ARHGEF28: variants seen among roughly 807,000 people sequenced by gnomAD.
The protein encoded by ARHGEF28 is Rho guanine nucleotide exchange factor 28.
ARHGEF28 carries 152 observed loss-of-function variants against 206.6 expected under a neutral mutation model. That is an observed-to-expected ratio of 0.74 (90% CI 0.64 to 0.84). ARHGEF28 has a LOEUF of 0.84. ARHGEF28 is among the 40% of genes least tolerant of loss of function. ARHGEF28 has a pLI of 0.00. For missense variants in ARHGEF28, 2,028 were observed against 2,073.2 expected, an observed-to-expected ratio of 0.98 and a Z score of 0.42; for synonymous variants, 763 against 776.4, an observed-to-expected ratio of 0.98 and a Z score of 0.29.
At chr5:73,626,564 C>G (rs1743022183) in intron 1 of ARHGEF28, among the ~76,000 whole-genome samples, 1 of 152,058 alleles carries the variant, frequency 6.6e-6, no homozygotes, top group Non-Finnish European at 1.5e-5. Context: ...GCGGCGGCAG[C>G]TGCGGAGCGC....
In ARHGEF28 at chr5:73,883,896, C is replaced by G; in HGVS notation, c.3055+12C>G. On this transcript the variant is annotated intron_variant, in intron 24 of 35. Transcript: ENST00000513042. ...GCAGTACACAAAGGGTAAGTTGTGA[C>G]TTCTGGGATAAAAATTTGCCCCTCT... The G allele has an allele frequency of 6.8e-7, 1 of 1,473,136 alleles. No individual in the cohort carries two copies. Among genetic ancestry groups the G allele is most frequent in the Non-Finnish European group, 9.1e-7 (1 of 1,102,610 alleles). The allele number at this position is 1,473,136 out of a possible 1,614,324, so 91.3% of individuals were successfully genotyped here. A position where few individuals can be genotyped will look rare whatever the true frequency, so the allele number is the denominator to read the frequency against.
rs116279011 is a variant in ARHGEF28 at position 73,695,194 on chromosome 5, T to A, written c.33+10310T>A. Among the ~76,000 whole-genome samples, 1,077 of 152,228 alleles carry A rather than the reference T, an allele frequency of 7.1e-3. 17 individuals are homozygous for A. The highest frequency in any genetic ancestry group is 0.024 in the African/African-American group (1,005 of 41,546). On this transcript the variant is annotated intron_variant, in intron 2 of 35. Coordinates refer to ENST00000513042, the MANE Select transcript of ARHGEF28 (RefSeq NM_001177693.2). ...GGTCAGAGAGGTGGGAGGGGCCAGGTCATGCCCATAGGTTGGTGGGGGAGT... is the reference window on the plus strand; with the variant it reads ...GGTCAGAGAGGTGGGAGGGGCCAGGACATGCCCATAGGTTGGTGGGGGAGT...
intron 11 of ARHGEF28, 104 bp from the exon 12 acceptor site, chr5:73,846,164 C>G: frequency 1.2e-6 from 1 of 841,230 alleles, no homozygotes; most frequent in Non-Finnish European, 1.8e-6. Flanking sequence ...ACCTATTGCA[C>G]CCCCCCCGCC....
At chr5:73,933,912 T>A (rs963478393) in intron 35 of ARHGEF28, among the ~76,000 whole-genome samples, 3 of 151,038 alleles carry the variant, frequency 2.0e-5, no homozygotes, top group African/African-American at 7.4e-5. Context: ...CTGGATTGTC[T>A]CATAAATGTT....
chr5:73,697,195 T>C (rs1330278346), intron 2 of ARHGEF28, among the ~76,000 whole-genome samples: 3 of 152,166 alleles, frequency 2.0e-5, no homozygotes, highest in African/African-American at 7.2e-5. Context: ...AAAGCTTACT[T>C]TATCAGACAG....
At position 73,936,135 on chromosome 5, in the gene ARHGEF28, A is replaced by AAAAAAAAAATT. The variant is rs1561209392; in HGVS notation, c.4949-4709_4949-4708insAAAAAAAAATT. Among the ~76,000 whole-genome samples, 376 of 152,336 alleles carry AAAAAAAAAATT rather than the reference A, an allele frequency of 2.5e-3. 2 individuals carry two copies. Among genetic ancestry groups the AAAAAAAAAATT allele is most frequent in the African/African-American group, 8.7e-3 (363 of 41,568 alleles). ...GGAAATTCAGAAAAAGGCAAAGCCT[A>AAAAAAAAAATT]CATTAATTACTTTTAAACTGTAAGA... is the stretch of plus-strand genomic sequence containing the variant. On this transcript the variant is annotated intron_variant, in intron 35 of 35. Transcript: ENST00000513042.
At chr5:73,739,829 A>T (rs1168635025) in intron 2 of ARHGEF28, among the ~76,000 whole-genome samples, 34 of 50,038 alleles carry the variant, frequency 6.8e-4, no homozygotes, top group African/African-American at 3.7e-3. Context: ...ATAATAATAA[A>T]AATAAATAAA....
At chr5:73,757,181 G>T (rs1472418510) in intron 4 of ARHGEF28, among the ~76,000 whole-genome samples, 3 of 152,024 alleles carry the variant, frequency 2.0e-5, no homozygotes, top group Non-Finnish European at 4.4e-5. Flanking sequence ...TTGTCTTCAG[G>T]TAGATAAATT....
chr5:73,771,719 A>G (rs1398014313), intron 4 of ARHGEF28, among the ~76,000 whole-genome samples: 1 of 152,216 alleles, frequency 6.6e-6, no homozygotes. Flanking sequence ...GAAAAATACA[A>G]ATATTATCCA....
At chr5:73,829,481 G>A (rs1271906635) in intron 9 of ARHGEF28, among the ~76,000 whole-genome samples, 1 of 152,180 alleles carries the variant, frequency 6.6e-6, no homozygotes, top group Non-Finnish European at 1.5e-5. Flanking sequence ...CTGGGTTCAA[G>A]CAATTCTCCT....
rs1009338801 is a variant in ARHGEF28, at chr5:73,907,702, G to A, written c.4162-1710G>A. Among the ~76,000 whole-genome samples the A allele has an allele frequency of 4.6e-5, 7 of 152,152 alleles. No homozygotes were observed. The South Asian group carries it at 1.4e-3, about 31-fold the overall frequency. Reference sequence around the variant, plus strand: ...ACTTGAAAAGCAAGTGCTGTTCTCTGTCCTAAATATAAATGTAAACTTTAA... The same window carrying A: ...ACTTGAAAAGCAAGTGCTGTTCTCTATCCTAAATATAAATGTAAACTTTAA... On this transcript the variant is annotated intron_variant, in intron 33 of 35. Transcript: ENST00000513042.
chr5:73,801,961 CCTGAGGGAGCTCAGCA>C (rs1309443341), intron 9 of ARHGEF28, among the ~76,000 whole-genome samples: 6 of 152,098 alleles, frequency 3.9e-5, no homozygotes, highest in African/African-American at 1.4e-4. Flanking sequence ...GTCAGAGATC[CCTGAGGGAGCTCAGCA>C]ATGCTGAAAT....
intron 2 of ARHGEF28, among the ~76,000 whole-genome samples, chr5:73,702,264 C>A (rs1748648838): frequency 6.6e-6 from 1 of 152,078 alleles, no homozygotes. Context: ...TTCAGAAATT[C>A]TGGTAAAATA....
intron 4 of ARHGEF28, among the ~76,000 whole-genome samples, chr5:73,759,771 T>A (rs57533001): frequency 0.3 from 45,139 of 152,092 alleles, 7,009 homozygotes; most frequent in African/African-American, 0.36. Context: ...AATTAACAGT[T>A]CATTACAAAA....
chr5:73,699,417 G>GGA (rs780808542), intron 2 of ARHGEF28, among the ~76,000 whole-genome samples: 1 of 151,996 alleles, frequency 6.6e-6, no homozygotes, highest in African/African-American at 2.4e-5. Flanking sequence ...AGGGGAGAGA[G>GGA]GAGAGAGAGA....
At chr5:73,880,585 G>C (rs1760857692) in intron 22 of ARHGEF28, among the ~76,000 whole-genome samples, 1 of 152,136 alleles carries the variant, frequency 6.6e-6, no homozygotes, top group Non-Finnish European at 1.5e-5. Context: ...TCAAGTTTAA[G>C]GATTCTTTGT....
At chr5:73,752,524 A>G (rs1184943150) in intron 3 of ARHGEF28, among the ~76,000 whole-genome samples, 2 of 152,204 alleles carry the variant, frequency 1.3e-5, no homozygotes, top group African/African-American at 4.8e-5. Flanking sequence ...ATGTAAAAAT[A>G]TGTGACTCAG....
intron 1 of ARHGEF28, among the ~76,000 whole-genome samples, chr5:73,636,622 A>C (rs1743732755): frequency 6.6e-6 from 1 of 152,198 alleles, no homozygotes; most frequent in South Asian, 2.1e-4. Flanking sequence ...GTGGGGTAGT[A>C]GAGTGTGTGC....
chr5:73,659,871 A>G (rs758107848), intron 1 of ARHGEF28, among the ~76,000 whole-genome samples: 1 of 152,228 alleles, frequency 6.6e-6, no homozygotes, highest in Non-Finnish European at 1.5e-5. Context: ...AAAAATGCTA[A>G]GGATCATCTG....
Sources: gnomAD v4.1 joint callset for allele counts (sites outside exome capture counted in the v4.1 genomes callset) on GRCh38, gnomAD v4.1.1 for gene constraint, MANE v1.5 for transcripts, NCBI Gene and HGNC (gene_info 2026-07-23, HGNC 2026-07-21) for gene names.